SCUBE2: variants seen among roughly 807,000 people sequenced by gnomAD.
The protein encoded by SCUBE2 is signal peptide, CUB and EGF-like domain-containing protein 2.
SCUBE2 carries 114 observed loss-of-function variants against 125.9 expected under a neutral mutation model. That is an observed-to-expected ratio of 0.91 (90% CI 0.78 to 1.06). The LOEUF is 1.06. Among genes scored for constraint, SCUBE2 ranks in the 50% least tolerant of loss-of-function variants. The pLI is 0.00. For synonymous variants in SCUBE2, 459 were observed against 492.9 expected, an observed-to-expected ratio of 0.93 and a Z score of 0.91; for missense variants, 1,255 against 1,301.8, an observed-to-expected ratio of 0.96 and a Z score of 0.55.
chr11:9,028,511 A>G (rs1385973470), intron 19 of SCUBE2, among the ~76,000 whole-genome samples: 1 of 152,138 alleles, frequency 6.6e-6, no homozygotes, highest in Non-Finnish European at 1.5e-5. Flanking sequence ...CAGAAGTGTC[A>G]CCCAAAGCTC....
chr11:9,091,366 C>T lies in SCUBE2; in HGVS notation c.133+30G>A, dbSNP rs1266589130. 1.5e-6 allele frequency: 2 copies of T among 1,297,712 alleles called. No homozygotes were observed. Among genetic ancestry groups the T allele is most frequent in the Non-Finnish European group, 1.9e-6 (2 of 1,026,940 alleles). 80.4% of individuals were successfully genotyped at this position (1,297,712 alleles called of 1,614,324 possible). A position where few individuals can be genotyped will look rare whatever the true frequency, so the allele number is the denominator to read the frequency against. ...ACTCTTCCTGGCCCTGCCTGCTGTG[C>T]CAGGTGCGCCCCCGCGGCCGGACAC... is the stretch of plus-strand genomic sequence containing the variant. On this transcript the variant is annotated intron_variant, in intron 1 of 22. Coordinates refer to ENST00000649792, the MANE Select transcript of SCUBE2 (RefSeq NM_001367977.2). The surrounding 1 kb of genome is among the most constrained non-coding windows in gnomAD (Gnocchi z 8.5).
chr11:9,089,312 G>C (rs1172342628), intron 2 of SCUBE2, among the ~76,000 whole-genome samples: 1 of 152,190 alleles, frequency 6.6e-6, no homozygotes, highest in Non-Finnish European at 1.5e-5. Context: ...GGACTCTCTA[G>C]CACTCAGACT....
intron 16 of SCUBE2, among the ~76,000 whole-genome samples, chr11:9,043,979 G>A (rs1443715076): frequency 6.6e-6 from 1 of 152,160 alleles, no homozygotes; most frequent in African/African-American, 2.4e-5. Context: ...AGTTCTTTGA[G>A]TCGGCCATTG....
intron 2 of SCUBE2, among the ~76,000 whole-genome samples, chr11:9,087,332 T>C (rs976944429): frequency 1.3e-5 from 2 of 152,182 alleles, no homozygotes; most frequent in Admixed American, 6.5e-5. Context: ...ACACAGCAAC[T>C]GGAGGACGTG....
Position 9,059,415 on chromosome 11 carries a change from C to A in SCUBE2, c.978G>T (p.Glu326Asp). Residue 326 changes from glutamate to aspartate, a missense_variant, in exon 9 of 23, where the codon GAG (glutamate) becomes GAT (aspartate). Glu to Asp is a conservative substitution (Grantham distance 45). This residue lies in a region of SCUBE2 where 378 missense variants were observed against 463.1 expected (regional missense o/e 0.82). Coordinates refer to ENST00000649792, the MANE Select transcript of SCUBE2 (RefSeq NM_001367977.2). The part of the protein sequence containing the change: ...LDGKTCKDID[E>D]CQTRNGGCDH... ...CACAACCTCCATTGCGGGTCTGGCA[C>A]TCATCAATATCTGCAACAGGAAAGC... 6.2e-7 allele frequency: 1 copy of A among 1,614,078 alleles called. No individual in the cohort carries two copies. The highest frequency in any genetic ancestry group is 8.5e-7 in the Non-Finnish European group (1 of 1,179,962).
chr11:9,054,699 G>GTA (rs1491160291), intron 10 of SCUBE2, among the ~76,000 whole-genome samples: 738 of 44,682 alleles, frequency 0.017, 112 homozygotes, highest in South Asian at 0.022. Context: ...CAAAGCACTA[G>GTA]TGTATATATA....
At chr11:9,055,748 C>T (rs991243248) in intron 10 of SCUBE2, 45 bp downstream of exon 10, 5 of 1,512,890 alleles carry the variant, frequency 3.3e-6, no homozygotes, top group Non-Finnish European at 4.6e-6. Context: ...CCCCTCCAGG[C>T]CCAGCCTCAT....
intron 13 of SCUBE2, among the ~76,000 whole-genome samples, chr11:9,050,924 C>A (rs888263726): frequency 3.3e-5 from 5 of 152,184 alleles, no homozygotes; most frequent in Non-Finnish European, 7.3e-5. Flanking sequence ...CAGTTACCCC[C>A]TCATGTGAGA....
chr11:9,040,435 C>A (rs557253010), intron 16 of SCUBE2, among the ~76,000 whole-genome samples: 1 of 151,716 alleles, frequency 6.6e-6, no homozygotes, highest in South Asian at 2.1e-4. Context: ...AGGGTATACA[C>A]CGTGGGTACA....
At chr11:9,027,053 C>G in intron 20 of SCUBE2, 1 of 378,418 alleles carries the variant, frequency 2.6e-6, no homozygotes, top group South Asian at 2.8e-5. Flanking sequence ...AGTATGAGGC[C>G]TTGTCTGGGG....
rs142930184 is a variant in SCUBE2, at chr11:9,088,544, C to T, written c.256+1163G>A. On this transcript the variant is annotated intron_variant, in intron 2 of 22. Coordinates refer to ENST00000649792, the MANE Select transcript of SCUBE2 (RefSeq NM_001367977.2). ...CATCTAAAGAAGTTAATATGTTTTTCGAAGTGGAAAGAGACTTGGAAGGAC... is the reference window on the plus strand; with the variant it reads ...CATCTAAAGAAGTTAATATGTTTTTTGAAGTGGAAAGAGACTTGGAAGGAC... Among the ~76,000 whole-genome samples the T allele has an allele frequency of 8.9e-4, 135 of 152,286 alleles. 1 individual carries two copies. The East Asian group carries it at 0.025, about 28-fold the overall frequency.
At chr11:9,049,998 T>C (rs896194077) in intron 14 of SCUBE2, 2 of 152,184 alleles carry the variant, frequency 1.3e-5, no homozygotes, top group Non-Finnish European at 2.9e-5. Context: ...AATACATGAA[T>C]CCTGATCCTT....
At chr11:9,067,880 A>T (rs1301168348) in intron 5 of SCUBE2, among the ~76,000 whole-genome samples, 1 of 69,666 alleles carries the variant, frequency 1.4e-5, no homozygotes, top group Non-Finnish European at 2.7e-5. Flanking sequence ...CCCTTCAGCA[A>T]CTGTTCCCTG....
intron 15 of SCUBE2, 67 bp downstream of exon 15, chr11:9,047,876 G>C: frequency 6.6e-7 from 1 of 1,512,198 alleles, no homozygotes; most frequent in Non-Finnish European, 8.9e-7. Context: ...ATAATAAAAA[G>C]TGAAAGGCAA....
At chr11:9,024,311 T>C in intron 21 of SCUBE2, 1 of 1,198,606 alleles carries the variant, frequency 8.3e-7, no homozygotes, top group Non-Finnish European at 1.1e-6. Context: ...TAGATGAGGC[T>C]CTCTGTCTCT....
chr11:9,021,765 C>T (rs922446549), intron 22 of SCUBE2, 111 bp downstream of exon 22: 18 of 790,086 alleles, frequency 2.3e-5, no homozygotes, highest in Non-Finnish European at 3.5e-5. Context: ...TGGCCCAGGA[C>T]AGGCTCCGTG....
chr11:9,055,116 G>A (rs1247817588), intron 10 of SCUBE2, among the ~76,000 whole-genome samples: 1 of 152,150 alleles, frequency 6.6e-6, no homozygotes, highest in African/African-American at 2.4e-5. Context: ...AGATCCTCAG[G>A]AAGATGACCT....
intron 7 of SCUBE2, among the ~76,000 whole-genome samples, chr11:9,062,151 T>C (rs971856234): frequency 2.0e-5 from 3 of 152,118 alleles, no homozygotes; most frequent in African/African-American, 7.2e-5. Context: ...GAAAAAGAGA[T>C]CTCTAACCCT....
At chr11:9,029,592 A>C (rs1272301198) in intron 19 of SCUBE2, among the ~76,000 whole-genome samples, 1 of 152,250 alleles carries the variant, frequency 6.6e-6, no homozygotes, top group East Asian at 1.9e-4. Flanking sequence ...GTCCTCAAGC[A>C]ATGCATGCTG....
Sources: allele counts gnomAD v4.1 joint callset (sites outside exome capture counted in the v4.1 genomes callset), GRCh38; gene constraint gnomAD v4.1.1; regional missense constraint gnomAD v4.1.1; non-coding constraint Gnocchi (gnomAD v3.1); transcripts MANE v1.5; gene names NCBI Gene and HGNC (gene_info 2026-07-23, HGNC 2026-07-21).